The following OLFM3 variants were observed in gnomAD, a reference collection of about 807,000 sequenced individuals.
The protein encoded by OLFM3 is olfactomedin 3.
OLFM3 carries 20 observed loss-of-function variants against 48.6 expected under a neutral mutation model. The observed-to-expected ratio is 0.41, with a 90% CI of 0.29 to 0.60. The LOEUF is 0.60. Among genes scored for constraint, OLFM3 ranks in the 20% least tolerant of loss-of-function variants. The pLI, the probability that OLFM3 is intolerant of heterozygous loss-of-function variation, is 0.28. For missense variants in OLFM3, 437 were observed against 544.3 expected, an observed-to-expected ratio of 0.80 and a Z score of 1.96; for synonymous variants, 222 against 198.1, an observed-to-expected ratio of 1.12 and a Z score of -1.01.
chr1:101,830,939 A>C lies in OLFM3; in HGVS notation c.217-112T>G, dbSNP rs186900957. Reference sequence around the variant, plus strand: ...AAAAACTAGAAGTGCCAAATTCATAACTGGGTTCCCATATGACACATTTTC... The same window carrying C: ...AAAAACTAGAAGTGCCAAATTCATACCTGGGTTCCCATATGACACATTTTC... On this transcript the variant is annotated intron_variant, in intron 2 of 5. Coordinates refer to ENST00000370103, the MANE Select transcript of OLFM3 (RefSeq NM_058170.4). The C allele has an allele frequency of 1.6e-3, 1,349 of 837,904 alleles. 5 individuals are homozygous for C. Among genetic ancestry groups the C allele is most frequent in the Non-Finnish European group, 2.3e-3 (1,215 of 537,864 alleles). The allele number at this position is 837,904 out of a possible 1,614,324, so 51.9% of individuals were successfully genotyped here.
chr1:101,806,679 C>T (rs1456909807), intron 4 of OLFM3, among the ~76,000 whole-genome samples: 2 of 151,616 alleles, frequency 1.3e-5, no homozygotes, highest in South Asian at 2.1e-4. Flanking sequence ...GATAACTTTA[C>T]AGTCTATAAG....
chr1:101,945,629 ACTTAT>A (rs948000529), intron 1 of OLFM3, among the ~76,000 whole-genome samples: 66 of 152,200 alleles, frequency 4.3e-4, no homozygotes, highest in African/African-American at 1.2e-3. Flanking sequence ...AAAACTGTAC[ACTTAT>A]CTTAATTTTT....
At chr1:101,983,611 G>T (rs1192390813) in intron 1 of OLFM3, among the ~76,000 whole-genome samples, 1 of 152,172 alleles carries the variant, frequency 6.6e-6, no homozygotes, top group African/African-American at 2.4e-5. Context: ...CAATAGTCCA[G>T]CCTATCCCAT....
chr1:101,964,207 C>T (rs1459769337), intron 1 of OLFM3, among the ~76,000 whole-genome samples: 3 of 152,000 alleles, frequency 2.0e-5, no homozygotes, highest in African/African-American at 7.2e-5. Context: ...TTAAGGGAAG[C>T]ATGGCCAAGA....
intron 1 of OLFM3, among the ~76,000 whole-genome samples, chr1:101,867,988 C>T (rs925378704): frequency 4.6e-5 from 7 of 152,180 alleles, no homozygotes; most frequent in Admixed American, 3.3e-4. Flanking sequence ...CTTCTCTCTC[C>T]TGACACCTTG....
intron 1 of OLFM3, among the ~76,000 whole-genome samples, chr1:101,907,216 C>A (rs761079315): frequency 3.9e-5 from 6 of 152,086 alleles, no homozygotes; most frequent in Non-Finnish European, 8.8e-5. Flanking sequence ...CATTTACATG[C>A]AGTAAAAGGA....
chr1:101,835,505 T>C (rs1655359523), intron 2 of OLFM3, among the ~76,000 whole-genome samples: 1 of 152,060 alleles, frequency 6.6e-6, no homozygotes, highest in Non-Finnish European at 1.5e-5. Flanking sequence ...GTAGAGATGG[T>C]GTTTTGCCAT....
At chr1:101,850,981 T>C (rs1656201147) in intron 1 of OLFM3, among the ~76,000 whole-genome samples, 1 of 151,990 alleles carries the variant, frequency 6.6e-6, no homozygotes, top group African/African-American at 2.4e-5. Flanking sequence ...AAAAATGAAC[T>C]GTATTGACTG....
At chr1:101,862,398 C>T (rs1232920823) in intron 1 of OLFM3, among the ~76,000 whole-genome samples, 3 of 152,130 alleles carry the variant, frequency 2.0e-5, no homozygotes, top group Admixed American at 2.0e-4. Flanking sequence ...TAAAATGAAG[C>T]AATGTACATG....
chr1:101,979,657 C>T (rs1388067743), intron 1 of OLFM3, among the ~76,000 whole-genome samples: 1 of 152,132 alleles, frequency 6.6e-6, no homozygotes, highest in Non-Finnish European at 1.5e-5. Context: ...AAGTTTGCTG[C>T]AGGAGTGGAA....
chr1:101,867,029 A>T (rs1570576644), intron 1 of OLFM3, among the ~76,000 whole-genome samples: 1 of 152,222 alleles, frequency 6.6e-6, no homozygotes, highest in East Asian at 1.9e-4. Context: ...TCAATGGGGC[A>T]GCATTATGAT....
intron 1 of OLFM3, 54 bp from the exon 2 acceptor site, chr1:101,837,079 G>T: frequency 1.9e-6 from 3 of 1,538,566 alleles, no homozygotes; most frequent in Non-Finnish European, 2.7e-6. Context: ...AGGATAAAAA[G>T]AGTGTTGGTT....
rs10493973 is a variant in OLFM3, at chr1:101,830,723, T to C, written c.321A>G (p.Lys107=). The change falls in exon 3 of 6, where the codon AAA becomes AAG. Residue 107 remains lysine, a synonymous_variant. Coordinates refer to ENST00000370103, the MANE Select transcript of OLFM3 (RefSeq NM_058170.4). ...METQMKGLKA[K]FRQIEDDRKT... is the part of the protein sequence containing the mutation. ...TTCGATCATCTTCAATCTGCCGAAA[T>C]TTTGCCTTCAGCCCTTTCATTTGGG... The C allele has an allele frequency of 0.17, 267,753 of 1,613,698 alleles. 24,078 individuals carry two copies. Among genetic ancestry groups the C allele is most frequent in the African/African-American group, 0.25 (19,047 of 74,966 alleles).
At chr1:101,855,765 G>A (rs766981179) in intron 1 of OLFM3, among the ~76,000 whole-genome samples, 8 of 152,046 alleles carry the variant, frequency 5.3e-5, no homozygotes, top group Non-Finnish European at 8.8e-5. Context: ...GCAGACTGAA[G>A]TGTTAAATTA....
chr1:101,931,869 T>C (rs193187440), intron 1 of OLFM3, among the ~76,000 whole-genome samples: 1 of 152,308 alleles, frequency 6.6e-6, no homozygotes, highest in East Asian at 1.9e-4. Context: ...AAAATACTTA[T>C]GGCAATTTAT....
intron 1 of OLFM3, among the ~76,000 whole-genome samples, chr1:101,898,417 G>C (rs1658277541): frequency 6.6e-6 from 1 of 152,178 alleles, no homozygotes; most frequent in Non-Finnish European, 1.5e-5. Context: ...TCAAAACTTT[G>C]AAATTATAGT....
At chr1:101,869,875 C>T (rs999629749) in intron 1 of OLFM3, among the ~76,000 whole-genome samples, 3 of 152,140 alleles carry the variant, frequency 2.0e-5, no homozygotes, top group Admixed American at 6.6e-5. Context: ...TCTGCCATGA[C>T]TGTAAGTTTC....
chr1:101,994,213 A>G (rs192444832), intron 1 of OLFM3, among the ~76,000 whole-genome samples: 7 of 151,192 alleles, frequency 4.6e-5, no homozygotes, highest in South Asian at 2.1e-4. Context: ...ATATACATAT[A>G]TAAAATAAAC....
Position 101,852,979 on chromosome 1 carries a change from G to C in OLFM3, c.70-15954C>G, listed in dbSNP as rs182469460. Among the ~76,000 whole-genome samples, 4 of 152,142 alleles carry C rather than the reference G, an allele frequency of 2.6e-5. No individual in the cohort carries two copies. In the East Asian group the frequency reaches 5.8e-4, roughly 22 times the overall value. ...TTATCTGGATTGTTACAAAAGTCAC[G>C]AGTTATTGACTTTGTATCACTTGTT... On this transcript the variant is annotated intron_variant, in intron 1 of 5. Transcript: ENST00000370103.
Sources: gnomAD v4.1 joint callset for allele counts (sites outside exome capture counted in the v4.1 genomes callset) on GRCh38, gnomAD v4.1.1 for gene constraint, MANE v1.5 for transcripts, NCBI Gene and HGNC (gene_info 2026-07-23, HGNC 2026-07-21) for gene names.